A2M: variants seen among roughly 807,000 people sequenced by gnomAD.
The protein encoded by A2M is alpha-2-macroglobulin.
A2M carries 128 observed loss-of-function variants against 183.9 expected under a neutral mutation model. That is an observed-to-expected ratio of 0.70 (90% CI 0.60 to 0.81). A2M has a LOEUF of 0.81. A2M is among the 30% of genes least tolerant of loss of function. A2M has a pLI of 0.00. For synonymous variants in A2M, 592 were observed against 670.8 expected (o/e 0.88, Z 1.81); for missense variants, 1,495 against 1,787.6 (o/e 0.84, Z 2.95).
At position 9,094,968 on chromosome 12, in the gene A2M, T is replaced by C; in HGVS notation, c.2125+5A>G. On this transcript the variant is annotated splice_donor_5th_base_variant and intron_variant, in intron 17 of 35. Transcript: ENST00000318602. ...GCAATATATATTTATTAATTTTTTGTTTACCATAAAAACCTACACGTAGAC... is the reference window on the plus strand; with the variant it reads ...GCAATATATATTTATTAATTTTTTGCTTACCATAAAAACCTACACGTAGAC... The C allele has an allele frequency of 6.8e-7, 1 of 1,465,392 alleles. No homozygotes were observed. Among genetic ancestry groups the C allele is most frequent in the South Asian group, 1.5e-5 (1 of 68,950 alleles). 90.8% of individuals were successfully genotyped at this position (1,465,392 alleles called of 1,614,324 possible).
At chr12:9,071,402 C>T (rs1565576564) in intron 31 of A2M, among the ~76,000 whole-genome samples, 1 of 151,604 alleles carries the variant, frequency 6.6e-6, no homozygotes, top group Non-Finnish European at 1.5e-5. Context: ...TATTTTTTGG[C>T]ATATATATAC....
chr12:9,109,291 C>T (rs755815542), intron 7 of A2M, 30 bp downstream of exon 7: 50 of 1,543,278 alleles, frequency 3.2e-5, no homozygotes, highest in Non-Finnish European at 4.4e-5. Context: ...AAATAATCCC[C>T]CACAAAAGAT....
chr12:9,095,880 C>T (rs1399196038), intron 15 of A2M, among the ~76,000 whole-genome samples, 180 bp from the exon 16 acceptor site: 1 of 150,970 alleles, frequency 6.6e-6, no homozygotes, highest in East Asian at 2.0e-4. Flanking sequence ...CTGCCTCAGC[C>T]TCCCGAGTAG....
intron 22 of A2M, among the ~76,000 whole-genome samples, chr12:9,085,696 A>G (rs185453723): frequency 1.8e-4 from 27 of 152,204 alleles, no homozygotes; most frequent in Admixed American, 1.6e-3. Context: ...GAAAAAGAAT[A>G]CAAAAGATCA....
chr12:9,092,915 A>G (rs866040055), intron 18 of A2M, among the ~76,000 whole-genome samples: 2 of 152,230 alleles, frequency 1.3e-5, no homozygotes, highest in African/African-American at 4.8e-5. Flanking sequence ...ATGGAATATT[A>G]TTCAGCCTTA....
intron 33 of A2M, 164 bp from the exon 34 acceptor site, chr12:9,069,006 A>C (rs1294417651): frequency 1.9e-6 from 1 of 517,234 alleles, no homozygotes; most frequent in Admixed American, 3.5e-5. Flanking sequence ...GGGATGATAA[A>C]TTCTCCAGAT....
chr12:9,073,450 T>A (rs1948641514), intron 29 of A2M, among the ~76,000 whole-genome samples: 1 of 152,252 alleles, frequency 6.6e-6, no homozygotes, highest in African/African-American at 2.4e-5. Context: ...CTGTTCCCAG[T>A]GAATGTCTGC....
intron 19 of A2M, 141 bp from the exon 20 acceptor site, chr12:9,090,623 A>T (rs1949182029): frequency 1.2e-6 from 1 of 824,408 alleles, no homozygotes; most frequent in Non-Finnish European, 1.9e-6. Flanking sequence ...CAAGTACCTG[A>T]AATATATTTA....
Position 9,079,657 on chromosome 12 carries a change from T to G in A2M, c.3013A>C (p.Ile1005Leu), listed in dbSNP as rs1317688257. ...CACTCACCAGTGTTGAGATAGCCAATGGCCTTGGACTTGATCTCTGGAGTA... is the reference window on the plus strand; with the variant it reads ...CACTCACCAGTGTTGAGATAGCCAAGGGCCTTGGACTTGATCTCTGGAGTA... ...QLTPEIKSKA[I>L]GYLNTGYQRQ... Residue 1005 changes from isoleucine (I) to leucine (L), a missense_variant, in exon 24 of 36, where the codon ATT becomes CTT. Ile to Leu is a conservative substitution (Grantham distance 5, BLOSUM62 2). Transcript: ENST00000318602. The G allele has an allele frequency of 6.2e-7, 1 of 1,613,350 alleles. No homozygotes were observed. The highest frequency in any genetic ancestry group is 8.5e-7 in the Non-Finnish European group (1 of 1,179,556).
chr12:9,101,657 A>G lies in A2M; in HGVS notation c.1284T>C (p.Arg428=). 6.2e-7 allele frequency: 1 copy of G among 1,612,884 alleles called. No individual in the cohort carries two copies. Among genetic ancestry groups the G allele is most frequent in the Non-Finnish European group, 8.5e-7 (1 of 1,179,016 alleles). Residue 428 remains arginine (R), a synonymous_variant, in exon 12 of 36, where the codon CGT becomes CGC. Transcript: ENST00000318602. ...CCCACTGGTAGCCGTAACAGGGACT[A>G]CGATCCTTGTAATTGACCTAATGAA... ...SLTVRVNYKD[R]SPCYGYQWVS...
intron 2 of A2M, 180 bp from the exon 3 acceptor site, chr12:9,112,716 G>C (rs908324724): frequency 4.9e-6 from 3 of 615,312 alleles, no homozygotes; most frequent in Non-Finnish European, 5.7e-6. Context: ...GGGGAGACAG[G>C]ACACAAGGTG....
At chr12:9,089,559 G>A (rs991633789) in intron 21 of A2M, among the ~76,000 whole-genome samples, 22 of 152,082 alleles carry the variant, frequency 1.4e-4, no homozygotes, top group African/African-American at 5.1e-4. Flanking sequence ...TGGCCAACGT[G>A]GTGAAATCCT....
intron 29 of A2M, 31 bp downstream of exon 29, chr12:9,074,529 G>A: frequency 6.4e-7 from 1 of 1,557,430 alleles, no homozygotes; most frequent in Non-Finnish European, 8.7e-7. Flanking sequence ...CTACCTGAAG[G>A]TGAAATAAAA....
At chr12:9,110,130 G>A (rs1592393880) in intron 5 of A2M, 95 bp from the exon 6 acceptor site, 1 of 1,371,594 alleles carries the variant, frequency 7.3e-7, no homozygotes, top group Non-Finnish European at 1.0e-6. Context: ...CTACAAAAAG[G>A]TCAAATGGGG....
Position 9,091,396 on chromosome 12 carries a change from G to T in A2M, c.2274C>A (p.Val758=), listed in dbSNP as rs1390705606. ...SAGVAEVGVT[V]PDTITEWKAG... ...CCTTCCACTCGGTGATGGTGTCAGGGACTGTTACTCCTACCTCAGCCACAC... is the reference window on the plus strand; with the variant it reads ...CCTTCCACTCGGTGATGGTGTCAGGTACTGTTACTCCTACCTCAGCCACAC... The change falls in exon 19 of 36, where the codon GTC becomes GTA. Residue 758 remains valine, a synonymous_variant. Transcript: ENST00000318602. 6.2e-7 allele frequency: 1 copy of T among 1,614,042 alleles called. No individual in the cohort carries two copies. Among genetic ancestry groups the T allele is most frequent in the Non-Finnish European group, 8.5e-7 (1 of 1,180,044 alleles).
intron 3 of A2M, 23 bp downstream of exon 3, chr12:9,112,354 C>T (rs752134970): frequency 6.2e-7 from 1 of 1,608,978 alleles, no homozygotes; most frequent in South Asian, 1.1e-5. Context: ...TTGAAGTTGT[C>T]CTGTCTGTAG....
At chr12:9,090,520 G>T in intron 19 of A2M, 38 bp from the exon 20 acceptor site, 1 of 1,605,144 alleles carries the variant, frequency 6.2e-7, no homozygotes, top group South Asian at 1.1e-5. Flanking sequence ...GAGAGGGAAG[G>T]AGAACAGAGG....
At position 9,103,417 on chromosome 12, in the gene A2M, AAC is replaced by A. The variant is rs757206092; in HGVS notation, c.1266+820_1266+821del. The stretch of plus-strand genomic sequence containing the variant: ...CACACTTTTCAAAAAAGTTATTATA[AAC>A]ACACACACACACACAACATAAAATT... On this transcript the variant is annotated intron_variant, in intron 11 of 35. Coordinates refer to ENST00000318602, the MANE Select transcript of A2M (RefSeq NM_000014.6). Among the ~76,000 whole-genome samples, 342 of 151,326 alleles carry A rather than the reference AAC, an allele frequency of 2.3e-3. 1 individual carries two copies. Among genetic ancestry groups the A allele is most frequent in the Admixed American group, 4.3e-3 (65 of 15,188 alleles).
At chr12:9,109,612 T>C (rs770664543) in intron 6 of A2M, among the ~76,000 whole-genome samples, 2 of 152,362 alleles carry the variant, frequency 1.3e-5, no homozygotes, top group South Asian at 2.1e-4. Flanking sequence ...TAATTAATTA[T>C]GGAAAACTCC....
Sources: allele counts gnomAD v4.1 joint callset (sites outside exome capture counted in the v4.1 genomes callset), GRCh38; gene constraint gnomAD v4.1.1; transcripts MANE v1.5; gene names NCBI Gene and HGNC (gene_info 2026-07-23, HGNC 2026-07-21).